ERGIC1: variants seen among roughly 807,000 people sequenced by gnomAD.
ERGIC1 encodes endoplasmic reticulum-Golgi intermediate compartment protein 1.
In ERGIC1, 19 loss-of-function variants were observed where a neutral mutation model predicts 38.3. The ratio of observed to expected loss-of-function variants is 0.50; its 90% CI spans 0.35 to 0.73. The LOEUF is 0.73. ERGIC1 is among the 30% of genes least tolerant of loss of function. The pLI, the probability that ERGIC1 is intolerant of heterozygous loss-of-function variation, is 0.01. For missense variants in ERGIC1, 294 were observed against 389.2 expected (o/e 0.76, Z 2.06); for synonymous variants, 124 against 157.6 (o/e 0.79, Z 1.60).
chr5:172,930,817 C>T (rs931465305), intron 7 of ERGIC1, among the ~76,000 whole-genome samples: 4 of 152,100 alleles, frequency 2.6e-5, no homozygotes. Context: ...ACCCATTTGG[C>T]GGGATGCTCC....
chr5:172,921,380 T>G (rs1013348088), intron 5 of ERGIC1: 1 of 152,268 alleles, frequency 6.6e-6, no homozygotes, highest in Non-Finnish European at 1.5e-5. Flanking sequence ...CCTTCTCCAC[T>G]GTAGCCTGCA....
At chr5:172,896,691 G>T (rs1204502750) in intron 2 of ERGIC1, among the ~76,000 whole-genome samples, 2 of 152,254 alleles carry the variant, frequency 1.3e-5, no homozygotes, top group African/African-American at 2.4e-5. Flanking sequence ...ACATTTGTGG[G>T]CCACCGGTTT....
intron 9 of ERGIC1, 151 bp from the exon 10 acceptor site, chr5:172,950,558 G>A (rs891349456): frequency 3.1e-5 from 16 of 518,668 alleles, no homozygotes; most frequent in Non-Finnish European, 4.4e-5. Flanking sequence ...AGTATGTTCC[G>A]GACTTGGTGA....
intron 2 of ERGIC1, among the ~76,000 whole-genome samples, chr5:172,896,021 G>A (rs1762713078): frequency 6.6e-6 from 1 of 152,026 alleles, no homozygotes; most frequent in African/African-American, 2.4e-5. Context: ...GCCGACCCCA[G>A]AACTCTGTTC....
At chr5:172,848,685 G>T (rs988827340) in intron 1 of ERGIC1, among the ~76,000 whole-genome samples, 3 of 152,146 alleles carry the variant, frequency 2.0e-5, no homozygotes, top group Admixed American at 2.0e-4. Context: ...GCACACTGTG[G>T]GTGGTCAGTA....
In ERGIC1 at chr5:172,942,220, A is replaced by G. The variant is rs555877170; in HGVS notation, c.765+6910A>G. 4.6e-5 allele frequency among the ~76,000 whole-genome samples: 7 copies of G among 152,312 alleles called. No individual in the cohort carries two copies. In the South Asian group the frequency reaches 1.5e-3, roughly 32 times the overall value. ...AAAAATAATAATAATAAAAAATAAAAAAAAGAATTGACAAGAGACAAACTT... is the reference window on the plus strand; with the variant it reads ...AAAAATAATAATAATAAAAAATAAAGAAAAGAATTGACAAGAGACAAACTT... On this transcript the variant is annotated intron_variant, in intron 9 of 9. Coordinates refer to ENST00000393784, the MANE Select transcript of ERGIC1 (RefSeq NM_001031711.3).
intron 9 of ERGIC1, among the ~76,000 whole-genome samples, chr5:172,943,785 G>A (rs1764061339): frequency 6.6e-6 from 1 of 152,216 alleles, no homozygotes; most frequent in Admixed American, 6.5e-5. Flanking sequence ...TGCACGCTAT[G>A]GGAGAGTAAT....
intron 2 of ERGIC1, among the ~76,000 whole-genome samples, chr5:172,895,240 G>A (rs752482893): frequency 1.7e-4 from 26 of 152,142 alleles, no homozygotes; most frequent in African/African-American, 4.6e-4. Context: ...ATTACCTGCC[G>A]GGCTCTGTTT....
At chr5:172,885,787 C>T (rs566216421) in intron 1 of ERGIC1, among the ~76,000 whole-genome samples, 6 of 152,280 alleles carry the variant, frequency 3.9e-5, no homozygotes, top group East Asian at 1.9e-4. Flanking sequence ...TGACACGAGG[C>T]GGACCACATC....
intron 1 of ERGIC1, among the ~76,000 whole-genome samples, chr5:172,870,482 G>T (rs1273593513): frequency 6.6e-6 from 1 of 152,222 alleles, no homozygotes; most frequent in African/African-American, 2.4e-5. Context: ...ATTTGCTGAT[G>T]TGAGCTGCTA....
At chr5:172,945,758 C>T (rs1764108671) in intron 9 of ERGIC1, among the ~76,000 whole-genome samples, 2 of 152,176 alleles carry the variant, frequency 1.3e-5, no homozygotes, top group South Asian at 4.1e-4. Context: ...AATCTCGACT[C>T]ACTGCAACCT....
At position 172,951,201 on chromosome 5, in the gene ERGIC1, G is replaced by C. The variant is rs1768542914; in HGVS notation, c.*385G>C. 1 of 160,688 alleles carries C rather than the reference G, an allele frequency of 6.2e-6. No individual in the cohort carries two copies. Among genetic ancestry groups the C allele is most frequent in the African/African-American group, 2.4e-5 (1 of 41,774 alleles). 10.0% of individuals were successfully genotyped at this position (160,688 alleles called of 1,614,324 possible). ...TCGACAATCTCGCAGCCCCCACTAG[G>C]TGGACACATTAATGATTTGGTTTCT... is the stretch of plus-strand genomic sequence containing the variant. On this transcript the variant is annotated 3_prime_UTR_variant, in exon 10 of 10. Coordinates refer to ENST00000393784, the MANE Select transcript of ERGIC1 (RefSeq NM_001031711.3).
chr5:172,901,212 A>G (rs769616987), intron 3 of ERGIC1, among the ~76,000 whole-genome samples: 21 of 152,354 alleles, frequency 1.4e-4, no homozygotes, highest in Middle Eastern at 6.8e-3. Context: ...TATCAGTGAC[A>G]TAAGACGCTT....
chr5:172,920,387 CAG>C (rs1763479942), intron 5 of ERGIC1: 1 of 717,960 alleles, frequency 1.4e-6, no homozygotes, highest in Non-Finnish European at 2.6e-6. Flanking sequence ...AGCCAGATGT[CAG>C]AGTTTGCGTG....
intron 1 of ERGIC1, among the ~76,000 whole-genome samples, chr5:172,866,675 C>T (rs2113134617): frequency 6.6e-6 from 1 of 152,354 alleles, no homozygotes; most frequent in Non-Finnish European, 1.5e-5. Context: ...GAAGTGAATT[C>T]CCCGAGGCCA....
chr5:172,852,622 A>G (rs556471657), intron 1 of ERGIC1, among the ~76,000 whole-genome samples: 42 of 152,336 alleles, frequency 2.8e-4, no homozygotes, highest in African/African-American at 9.1e-4. Context: ...CCCTTTTTAA[A>G]AAAAGTGTTG....
intron 9 of ERGIC1, 107 bp from the exon 10 acceptor site, chr5:172,950,602 T>C: frequency 2.1e-6 from 2 of 945,044 alleles, no homozygotes; most frequent in South Asian, 1.8e-5. Context: ...TAACGGGCAA[T>C]GTCTGCCTTG....
chr5:172,883,072 A>G (rs1242910436), intron 1 of ERGIC1, among the ~76,000 whole-genome samples: 2 of 152,176 alleles, frequency 1.3e-5, no homozygotes, highest in Non-Finnish European at 2.9e-5. Flanking sequence ...AACTGGGATT[A>G]TAGGCATGCT....
intron 5 of ERGIC1, among the ~76,000 whole-genome samples, chr5:172,918,865 A>C (rs1250165443): frequency 1.3e-5 from 2 of 152,186 alleles, no homozygotes; most frequent in Non-Finnish European, 2.9e-5. Flanking sequence ...ACTCACCCAC[A>C]GGCCTCAGCT....
Sources: allele counts gnomAD v4.1 joint callset (sites outside exome capture counted in the v4.1 genomes callset), GRCh38; gene constraint gnomAD v4.1.1; transcripts MANE v1.5; gene names NCBI Gene and HGNC (gene_info 2026-07-23, HGNC 2026-07-21).